The following NCKAP5 variants were observed in gnomAD, a reference collection of about 807,000 sequenced individuals.
NCKAP5 encodes the protein NCK associated protein 5.
Under a neutral mutation model 167.0 loss-of-function variants are expected in NCKAP5, and 92 were observed. That is an observed-to-expected ratio of 0.55 (90% CI 0.47 to 0.66). The LOEUF is 0.66. Among genes scored for constraint, NCKAP5 ranks in the 30% least tolerant of loss-of-function variants. The pLI is 0.00. For synonymous variants in NCKAP5, 891 were observed against 877.4 expected, an observed-to-expected ratio of 1.02 and a Z score of -0.27; for missense variants, 2,378 against 2,315.0, an observed-to-expected ratio of 1.03 and a Z score of -0.56.
chr2:133,442,127 G>A (rs1469010513), intron 3 of NCKAP5, among the ~76,000 whole-genome samples: 4 of 152,062 alleles, frequency 2.6e-5, no homozygotes, highest in Admixed American at 6.5e-5. Context: ...AGCTACCCCC[G>A]GAACTTAAAG....
At chr2:133,250,974 T>C (rs771667740) in intron 4 of NCKAP5, among the ~76,000 whole-genome samples, 5 of 151,848 alleles carry the variant, frequency 3.3e-5, no homozygotes, top group Non-Finnish European at 5.9e-5. Flanking sequence ...AAAGAAAATA[T>C]GCTTTCTTCT....
chr2:133,135,306 G>C (rs1451625654), intron 5 of NCKAP5, among the ~76,000 whole-genome samples: 1 of 152,176 alleles, frequency 6.6e-6, no homozygotes, highest in East Asian at 1.9e-4. Context: ...GGAGAGGCAA[G>C]TGCAAAGCCC....
At chr2:133,164,727 C>T (rs2083931911) in intron 5 of NCKAP5, among the ~76,000 whole-genome samples, 1 of 152,110 alleles carries the variant, frequency 6.6e-6, no homozygotes, top group Non-Finnish European at 1.5e-5. Flanking sequence ...TTCTTAAACC[C>T]CTATCCTTCA....
chr2:133,354,771 A>C (rs1429253158), intron 3 of NCKAP5, among the ~76,000 whole-genome samples: 2 of 152,242 alleles, frequency 1.3e-5, no homozygotes, highest in African/African-American at 4.8e-5. Context: ...TTATACAGGA[A>C]GCATCCCAAA....
chr2:132,997,687 AAG>A (rs1009821568), intron 6 of NCKAP5, among the ~76,000 whole-genome samples: 1 of 152,058 alleles, frequency 6.6e-6, no homozygotes, highest in Non-Finnish European at 1.5e-5. Context: ...TTAAATGAGT[AAG>A]AGTCTTAACT....
chr2:133,547,269 A>C (rs562202433), intron 2 of NCKAP5, among the ~76,000 whole-genome samples: 2 of 152,248 alleles, frequency 1.3e-5, no homozygotes, highest in Non-Finnish European at 2.9e-5. Context: ...GCAGTCTGAG[A>C]TCAAACTGCA....
chr2:133,366,097 C>A (rs1214646950), intron 3 of NCKAP5, among the ~76,000 whole-genome samples: 2 of 152,040 alleles, frequency 1.3e-5, no homozygotes, highest in African/African-American at 4.8e-5. Flanking sequence ...GAAAAACCTG[C>A]AGAATTGGGA....
At chr2:133,611,630 G>C in the NCKAP5 span, among the ~76,000 whole-genome samples, 1 of 152,114 alleles carries the variant, frequency 6.6e-6, no homozygotes, top group Admixed American at 6.6e-5. Flanking sequence ...CATGATGTCT[G>C]AGATTTGCTC....
chr2:133,596,395 T>C, the NCKAP5 span: 1 of 152,402 alleles, frequency 6.6e-6, no homozygotes, highest in African/African-American at 2.4e-5. Context: ...AGATGGATCA[T>C]TCTGGGAGCA....
chr2:132,858,136 A>G (rs1194471195), intron 11 of NCKAP5, among the ~76,000 whole-genome samples: 3 of 151,046 alleles, frequency 2.0e-5, no homozygotes, highest in African/African-American at 7.3e-5. Flanking sequence ...GTGCAAAAAA[A>G]CTACTTAGAA....
At chr2:133,608,852 G>A in the NCKAP5 span, among the ~76,000 whole-genome samples, 1 of 152,092 alleles carries the variant, frequency 6.6e-6, no homozygotes, top group African/African-American at 2.4e-5. Flanking sequence ...AACTCTACAT[G>A]GCACTCAAGA....
chr2:133,083,488 A>C (rs2080880756), intron 6 of NCKAP5, among the ~76,000 whole-genome samples: 1 of 152,208 alleles, frequency 6.6e-6, no homozygotes, highest in Admixed American at 6.5e-5. Flanking sequence ...AGCTCTGGTG[A>C]AATATTATTC....
the NCKAP5 span, among the ~76,000 whole-genome samples, chr2:133,648,150 C>T: frequency 0.095 from 14,406 of 151,830 alleles, 769 homozygotes; most frequent in African/African-American, 0.12. Flanking sequence ...AAGGACATTT[C>T]ATAATAAAAG....
intron 11 of NCKAP5, among the ~76,000 whole-genome samples, chr2:132,808,167 G>T (rs1685577986): frequency 1.3e-5 from 2 of 151,918 alleles, no homozygotes; most frequent in Admixed American, 1.3e-4. Context: ...CTAGTATTTT[G>T]TTAAAAATTT....
At chr2:133,176,070 T>C (rs2084447138) in intron 5 of NCKAP5, among the ~76,000 whole-genome samples, 1 of 152,148 alleles carries the variant, frequency 6.6e-6, no homozygotes, top group East Asian at 1.9e-4. Flanking sequence ...TCAGGGAGGA[T>C]CGTCTATTCA....
At chr2:133,171,451 T>C (rs186396725) in intron 5 of NCKAP5, among the ~76,000 whole-genome samples, 1 of 152,260 alleles carries the variant, frequency 6.6e-6, no homozygotes, top group East Asian at 1.9e-4. Flanking sequence ...TGGCCTCCGG[T>C]GGTGGTCTCT....
intron 4 of NCKAP5, among the ~76,000 whole-genome samples, chr2:133,260,680 C>T (rs553193893): frequency 5.9e-5 from 9 of 151,936 alleles, no homozygotes; most frequent in East Asian, 1.9e-4. Context: ...GTCCCTCGGA[C>T]GGAGGTAAAA....
intron 3 of NCKAP5, among the ~76,000 whole-genome samples, chr2:133,347,383 A>G (rs1329765960): frequency 1.3e-5 from 2 of 151,914 alleles, no homozygotes; most frequent in Non-Finnish European, 2.9e-5. Context: ...GAGAAACCCC[A>G]TCTCTACTAA....
intron 1 of NCKAP5, among the ~76,000 whole-genome samples, chr2:133,567,301 C>T (rs539908952): frequency 2.0e-5 from 3 of 152,164 alleles, no homozygotes; most frequent in African/African-American, 4.8e-5. Context: ...GCAGAACTCC[C>T]GGGTGGCAAC....
Sources: allele counts gnomAD v4.1 joint callset (sites outside exome capture counted in the v4.1 genomes callset), GRCh38; gene constraint gnomAD v4.1.1; transcripts MANE v1.5; gene names NCBI Gene and HGNC (gene_info 2026-07-23, HGNC 2026-07-21).